POLR1A: variants seen among roughly 807,000 people sequenced by gnomAD.
POLR1A encodes the protein RNA polymerase I subunit A, also known as DNA-directed RNA polymerase I subunit RPA1.
In POLR1A, 84 loss-of-function variants were observed where a neutral mutation model predicts 205.3. The ratio of observed to expected loss-of-function variants is 0.41; its 90% confidence interval spans 0.34 to 0.49. The LOEUF is 0.49. POLR1A is among the 20% of genes least tolerant of loss of function. The pLI, the probability that POLR1A is intolerant of heterozygous loss-of-function variation, is 0.22. For synonymous variants in POLR1A, 799 were observed against 863.7 expected (o/e 0.93, Z 1.31); for missense variants, 1,645 against 2,204.5 (o/e 0.75, Z 5.08).
chr2:86,077,994 A>G lies in POLR1A; in HGVS notation c.1258-13T>C. The G allele has an allele frequency of 6.2e-7, 1 of 1,614,014 alleles. No individual in the cohort carries two copies. The highest frequency in any genetic ancestry group is 8.5e-7 in the Non-Finnish European group (1 of 1,179,968). On this transcript the variant is annotated splice_polypyrimidine_tract_variant and intron_variant, in intron 10 of 33. Coordinates refer to ENST00000263857, the MANE Select transcript of POLR1A (RefSeq NM_015425.6). ...TCTTCTCCAGGATCTTTATGGAGAA[A>G]AAAGGTCATAAAAAACATTCAACAA...
intron 9 of POLR1A, among the ~76,000 whole-genome samples, chr2:86,079,100 G>A (rs1185342348): frequency 6.6e-6 from 1 of 152,158 alleles, no homozygotes; most frequent in Admixed American, 6.5e-5. Context: ...GAGGGTGAGG[G>A]TGGGTGAAGA....
rs776316634 is a variant in POLR1A at position 86,083,063 on chromosome 2, C to A, written c.817+19G>T. On this transcript the variant is annotated intron_variant, in intron 7 of 33. Coordinates refer to ENST00000263857, the MANE Select transcript of POLR1A (RefSeq NM_015425.6). ...AGCCTAGAGAAGATCAAGGCTATTT[C>A]TTTAGCCTGATACAGCACCTTCATT... 1 of 1,582,008 alleles carries A rather than the reference C, an allele frequency of 6.3e-7. No homozygotes were observed. Among genetic ancestry groups the A allele is most frequent in the Non-Finnish European group, 8.7e-7 (1 of 1,150,664 alleles).
chr2:86,079,832 G>A (rs889554214), intron 9 of POLR1A, among the ~76,000 whole-genome samples: 1 of 152,158 alleles, frequency 6.6e-6, no homozygotes, highest in Non-Finnish European at 1.5e-5. Flanking sequence ...AAAGTGCTGG[G>A]ATTACAGGCT....
In POLR1A at chr2:86,071,573, T is replaced by C. The variant is rs1353805499; in HGVS notation, c.1612-1301A>G. On this transcript the variant is annotated intron_variant, in intron 12 of 33. Transcript: ENST00000263857. ...AAATATTGAACAAGTGCTATGCTCATTGCTAGAGGGAAAACAGAAAATACA... is the reference window on the plus strand; with the variant it reads ...AAATATTGAACAAGTGCTATGCTCACTGCTAGAGGGAAAACAGAAAATACA... 3.3e-5 allele frequency among the ~76,000 whole-genome samples: 5 copies of C among 152,330 alleles called. No homozygotes were observed. In the East Asian group the frequency reaches 7.7e-4, roughly 23 times the overall value.
At chr2:86,078,815 A>G (rs1673344093) in intron 9 of POLR1A, among the ~76,000 whole-genome samples, 1 of 152,226 alleles carries the variant, frequency 6.6e-6, no homozygotes, top group Non-Finnish European at 1.5e-5. Context: ...CAGCTGAGCT[A>G]TATCAAGTTA....
At chr2:86,083,033 A>G in intron 7 of POLR1A, 49 bp downstream of exon 7, 1 of 1,363,788 alleles carries the variant, frequency 7.3e-7, no homozygotes, top group East Asian at 2.3e-5. Flanking sequence ...AGTCCAGGAA[A>G]TAAAAGCCTA....
intron 2 of POLR1A, among the ~76,000 whole-genome samples, chr2:86,099,060 G>A (rs757348879): frequency 1.3e-5 from 2 of 152,082 alleles, no homozygotes; most frequent in Non-Finnish European, 2.9e-5. Flanking sequence ...TCTCAGCCAG[G>A]TGCGGTGGCT....
intron 1 of POLR1A, 21 bp downstream of exon 1, chr2:86,105,679 G>A (rs1228581780): frequency 5.8e-6 from 9 of 1,562,620 alleles, no homozygotes; most frequent in South Asian, 1.1e-5. Context: ...GGCTGGGCAC[G>A]CTACCCGACC....
chr2:86,040,567 C>A lies in POLR1A; in HGVS notation c.3573-8G>T. The A allele has an allele frequency of 6.6e-7, 1 of 1,516,892 alleles. No individual in the cohort carries two copies. The highest frequency in any genetic ancestry group is 8.9e-7 in the Non-Finnish European group (1 of 1,121,294). The allele number at this position is 1,516,892 out of a possible 1,614,324, so 94.0% of individuals were successfully genotyped here. On this transcript the variant is annotated splice_region_variant and splice_polypyrimidine_tract_variant and intron_variant, in intron 24 of 33. Coordinates refer to ENST00000263857, the MANE Select transcript of POLR1A (RefSeq NM_015425.6). ...TGCAGCAAGGTCCTCAACCTAGAGA[C>A]GGTGGTGGGGGGTCAGGGTGGGGGT...
chr2:86,062,759 T>C (rs775223730), intron 14 of POLR1A, among the ~76,000 whole-genome samples: 1 of 152,052 alleles, frequency 6.6e-6, no homozygotes. Context: ...ACCAAAGACT[T>C]TTTTTTGAGA....
chr2:86,048,127 C>T (rs527956382), intron 18 of POLR1A, among the ~76,000 whole-genome samples: 79 of 152,358 alleles, frequency 5.2e-4, no homozygotes, highest in African/African-American at 1.8e-3. Flanking sequence ...GAGAGCACTA[C>T]AGACGAACTT....
intron 3 of POLR1A, among the ~76,000 whole-genome samples, chr2:86,098,004 T>C (rs145099712): frequency 3.3e-5 from 5 of 152,286 alleles, no homozygotes; most frequent in Non-Finnish European, 7.4e-5. Context: ...CCATAAAATA[T>C]GTGTAAATAT....
In POLR1A at chr2:86,024,244, T is replaced by C. The variant is rs535728587; in HGVS notation, c.*3179A>G. 2.8e-5 allele frequency: 6 copies of C among 211,246 alleles called. No homozygotes were observed. Among genetic ancestry groups the C allele is most frequent in the Non-Finnish European group, 5.0e-5 (5 of 100,750 alleles). 13.1% of individuals were successfully genotyped at this position (211,246 alleles called of 1,614,324 possible). Reference sequence around the variant, plus strand: ...TGAACCTTGAGGACATTATGCTAAGTGAAATAAGCCGGTCACAAAAAGACA... The same window carrying C: ...TGAACCTTGAGGACATTATGCTAAGCGAAATAAGCCGGTCACAAAAAGACA... On this transcript the variant is annotated 3_prime_UTR_variant, in exon 34 of 34. Transcript: ENST00000263857.
chr2:86,077,864 G>C lies in POLR1A; in HGVS notation c.1375C>G (p.Pro459Ala). 6.2e-7 allele frequency: 1 copy of C among 1,609,878 alleles called. No homozygotes were observed. The highest frequency in any genetic ancestry group is 8.5e-7 in the Non-Finnish European group (1 of 1,179,256). ...MYINTNEIGI[P>A]MVFATKLTYP... The stretch of plus-strand genomic sequence containing the variant: ...ACACACACACACACACACACCATGG[G>C]AATTCCAATTTCGTTGGTGTTGATG... Residue 459 changes from proline to alanine, a missense_variant, in exon 11 of 34, where the codon CCC becomes GCC. Transcript: ENST00000263857.
chr2:86,093,589 A>G lies in POLR1A; in HGVS notation c.433-3660T>C, dbSNP rs1181945676. ...ATGCCTGTAATCCCAGCACTCTGGGAGGCTGAGCCAGGTGGATCGCTTGAG... is the reference window on the plus strand; with the variant it reads ...ATGCCTGTAATCCCAGCACTCTGGGGGGCTGAGCCAGGTGGATCGCTTGAG... On this transcript the variant is annotated intron_variant, in intron 3 of 33. Transcript: ENST00000263857. 3.9e-5 allele frequency among the ~76,000 whole-genome samples: 6 copies of G among 152,196 alleles called. No individual in the cohort carries two copies. The East Asian group carries it at 1.2e-3, about 29-fold the overall frequency.
At position 86,058,669 on chromosome 2, in the gene POLR1A, A is replaced by C. The variant is rs139022688; in HGVS notation, c.2059-4380T>G. Among the ~76,000 whole-genome samples the C allele has an allele frequency of 1.7e-4, 26 of 152,112 alleles. No individual in the cohort carries two copies. The East Asian group carries it at 5.0e-3, about 29-fold the overall frequency. ...GAGAAAAAATCTGCAATGTTTTCTTAAACCAAGAAGGGCAGCAATATCTAT... is the reference window on the plus strand; with the variant it reads ...GAGAAAAAATCTGCAATGTTTTCTTCAACCAAGAAGGGCAGCAATATCTAT... On this transcript the variant is annotated intron_variant, in intron 14 of 33. Coordinates refer to ENST00000263857, the MANE Select transcript of POLR1A (RefSeq NM_015425.6).
chr2:86,038,089 C>T (rs1351897169), intron 27 of POLR1A, among the ~76,000 whole-genome samples: 3 of 152,330 alleles, frequency 2.0e-5, no homozygotes, highest in East Asian at 1.9e-4. Context: ...TCCTGCTCCC[C>T]GGAACTCAGC....
At chr2:86,093,884 C>T (rs1673655057) in intron 3 of POLR1A, among the ~76,000 whole-genome samples, 1 of 152,210 alleles carries the variant, frequency 6.6e-6, no homozygotes, top group Non-Finnish European at 1.5e-5. Flanking sequence ...CCATCTGTTA[C>T]ACTTTTTAGT....
Position 86,031,514 on chromosome 2 carries a change from T to A in POLR1A, c.4394A>T (p.Glu1465Val). The A allele has an allele frequency of 2.5e-6, 4 of 1,614,174 alleles. No homozygotes were observed. Among genetic ancestry groups the A allele is most frequent in the Non-Finnish European group, 3.4e-6 (4 of 1,180,000 alleles). ...GARKTQEQDE[E>V]VGLGTEEDPS... The stretch of plus-strand genomic sequence containing the variant: ...GTCCTCCTCAGTGCCTAAGCCCACC[T>A]CTTCATCTTGCTCTTGGGTCTTTCG... The change falls in exon 30 of 34, where the codon GAG becomes GTG. Residue 1465 changes from glutamate to valine, a missense_variant. Around this residue, in one of 16 missense-constraint regions of POLR1A, gnomAD observed 394 missense variants for 468.5 expected, o/e 0.84. Coordinates refer to ENST00000263857, the MANE Select transcript of POLR1A (RefSeq NM_015425.6).
Sources: gnomAD v4.1 joint callset for allele counts (sites outside exome capture counted in the v4.1 genomes callset) on GRCh38, gnomAD v4.1.1 for gene constraint, gnomAD v4.1.1 regional missense constraint, MANE v1.5 for transcripts, NCBI Gene and HGNC (gene_info 2026-07-23, HGNC 2026-07-21) for gene names.